Variants in GPR141 observed in about 807,000 individuals in gnomAD.
The protein encoded by GPR141 is G protein-coupled receptor 141.
Under a neutral mutation model 6.8 loss-of-function variants are expected in GPR141, and 6 were observed. The ratio of observed to expected loss-of-function variants is 0.88; its 90% CI spans 0.48 to 1.74. The LOEUF is 1.74. GPR141 is among the 40% of genes most tolerant of loss of function. The pLI is 0.01. For synonymous variants in GPR141, 140 were observed against 142.3 expected (o/e 0.98, Z 0.11); for missense variants, 372 against 372.9 (o/e 1.00, Z 0.02).
intron 2 of GPR141, among the ~76,000 whole-genome samples, chr7:37,739,454 C>T (rs1812419585): frequency 6.6e-6 from 1 of 152,128 alleles, no homozygotes; most frequent in Non-Finnish European, 1.5e-5. Context: ...CAGATTTTGC[C>T]ACTGTAACCC....
chr7:37,740,738 C>T lies in GPR141; in HGVS notation c.345C>T (p.Leu115=). Residue 115 remains leucine (L), a synonymous_variant, in exon 3 of 3, where the codon CTC becomes CTT. Transcript: ENST00000334425. ...FYVVILVTRY[L]IFFKCKDKVE... ...TGGTGATCCTGGTCACCAGATACCT[C>T]ATCTTCTTCAAGTGCAAAGACAAAG... 2.5e-6 allele frequency: 4 copies of T among 1,614,084 alleles called. No homozygotes were observed. Among genetic ancestry groups the T allele is most frequent in the Non-Finnish European group, 3.4e-6 (4 of 1,179,924 alleles).
intron 2 of GPR141, among the ~76,000 whole-genome samples, chr7:37,724,301 T>A (rs1452440241): frequency 1.3e-5 from 2 of 152,086 alleles, no homozygotes; most frequent in African/African-American, 4.8e-5. Context: ...ATATACATTT[T>A]TTTTTGCTAT....
chr7:37,724,909 G>A (rs924379311), intron 2 of GPR141, among the ~76,000 whole-genome samples: 1 of 152,092 alleles, frequency 6.6e-6, no homozygotes, highest in African/African-American at 2.4e-5. Context: ...TCTGCCTTTA[G>A]TAGTGCTGTG....
At chr7:37,738,630 TG>T (rs1812375754) in intron 2 of GPR141, among the ~76,000 whole-genome samples, 2 of 152,150 alleles carry the variant, frequency 1.3e-5, no homozygotes, top group African/African-American at 4.8e-5. Flanking sequence ...CAAAAGGCTT[TG>T]TGAGGTTGGG....
chr7:37,704,956 A>T (rs1810459635), intron 2 of GPR141, among the ~76,000 whole-genome samples: 1 of 152,048 alleles, frequency 6.6e-6, no homozygotes, highest in South Asian at 2.1e-4. Flanking sequence ...ACACTAACTG[A>T]CTCTGCCTCA....
At chr7:37,719,948 G>T (rs1000516353) in intron 2 of GPR141, among the ~76,000 whole-genome samples, 8 of 152,282 alleles carry the variant, frequency 5.3e-5, no homozygotes, top group Admixed American at 3.9e-4. Context: ...TGGAAATGGG[G>T]AGCAGCAGGA....
At chr7:37,692,470 T>C (rs1047976101) in intron 2 of GPR141, among the ~76,000 whole-genome samples, 1 of 152,180 alleles carries the variant, frequency 6.6e-6, no homozygotes. Context: ...TGTACATGTG[T>C]CTTTATAGTA....
intron 2 of GPR141, among the ~76,000 whole-genome samples, chr7:37,718,376 G>A (rs143785105): frequency 8.5e-5 from 13 of 152,172 alleles, no homozygotes; most frequent in Admixed American, 3.9e-4. Context: ...GCATGGTGGC[G>A]TGTGCCTGTA....
chr7:37,686,180 T>TC (rs1336234899), intron 2 of GPR141, among the ~76,000 whole-genome samples: 1 of 149,888 alleles, frequency 6.7e-6, no homozygotes, highest in East Asian at 2.0e-4. Context: ...TTTTTTTTTT[T>TC]CTTTAGAGAG....
intron 2 of GPR141, among the ~76,000 whole-genome samples, chr7:37,688,662 G>A (rs1350485376): frequency 1.3e-5 from 2 of 151,996 alleles, no homozygotes; most frequent in African/African-American, 4.8e-5. Context: ...GTTCTTCTCC[G>A]CACAGGTTAA....
intron 2 of GPR141, among the ~76,000 whole-genome samples, chr7:37,712,334 G>T (rs1038021424): frequency 6.6e-6 from 1 of 152,128 alleles, no homozygotes; most frequent in Non-Finnish European, 1.5e-5. Flanking sequence ...GTGGTATATG[G>T]TATAGGGAGG....
At chr7:37,734,513 C>A (rs879448100) in intron 2 of GPR141, among the ~76,000 whole-genome samples, 3 of 152,200 alleles carry the variant, frequency 2.0e-5, no homozygotes, top group Non-Finnish European at 4.4e-5. Context: ...CAGTCCTTGT[C>A]CTTGTGGAGC....
At chr7:37,687,313 G>A (rs79873168) in intron 2 of GPR141, among the ~76,000 whole-genome samples, 3,610 of 152,130 alleles carry the variant, frequency 0.024, 181 homozygotes, top group Admixed American at 0.11. Context: ...TTAAAATGTT[G>A]AGAAATGGTA....
At chr7:37,728,582 C>G (rs1811753664) in intron 2 of GPR141, among the ~76,000 whole-genome samples, 1 of 152,152 alleles carries the variant, frequency 6.6e-6, no homozygotes, top group Non-Finnish European at 1.5e-5. Context: ...ACAGAAACCA[C>G]TTCCATATCT....
intron 2 of GPR141, among the ~76,000 whole-genome samples, chr7:37,702,891 T>C (rs1810354778): frequency 6.6e-6 from 1 of 151,384 alleles, no homozygotes; most frequent in African/African-American, 2.4e-5. Flanking sequence ...TTTAGTATTT[T>C]CTAGTATTTT....
intron 2 of GPR141, among the ~76,000 whole-genome samples, chr7:37,721,431 G>A (rs1407019506): frequency 6.6e-6 from 1 of 152,174 alleles, no homozygotes; most frequent in Admixed American, 6.5e-5. Context: ...CATAAACCTA[G>A]AGGTACCTGG....
At position 37,740,647 on chromosome 7, in the gene GPR141, T is replaced by C. The variant is rs574260060; in HGVS notation, c.254T>C (p.Leu85Pro). 47 of 1,614,170 alleles carry C rather than the reference T, an allele frequency of 2.9e-5. No individual in the cohort carries two copies. In the South Asian group the frequency reaches 4.9e-4, roughly 17 times the overall value. The change falls in exon 3 of 3, where the codon CTG becomes CCG. Residue 85 changes from leucine to proline, a missense_variant. Physicochemically the swap from Leu to Pro is moderately conservative, Grantham distance 98 (BLOSUM62 -3). Transcript: ENST00000334425. ...ATCAAGAAGACTTGGATGTTTGGGCTGCCCTTCTGCAAATTTGTGAGTGCC... is the reference window on the plus strand; with the variant it reads ...ATCAAGAAGACTTGGATGTTTGGGCCGCCCTTCTGCAAATTTGTGAGTGCC... ...YLIKKTWMFG[L>P]PFCKFVSAML...
intron 2 of GPR141, among the ~76,000 whole-genome samples, chr7:37,735,955 G>T (rs1410825752): frequency 6.6e-6 from 1 of 152,100 alleles, no homozygotes; most frequent in East Asian, 1.9e-4. Context: ...AAAGATAAAA[G>T]CACTGAACAA....
At chr7:37,684,754 C>T (rs1039071703) in intron 1 of GPR141, among the ~76,000 whole-genome samples, 2 of 152,166 alleles carry the variant, frequency 1.3e-5, no homozygotes, top group African/African-American at 4.8e-5. Flanking sequence ...TACATAACTG[C>T]ACAATTACTT....
Sources: allele counts gnomAD v4.1 joint callset (sites outside exome capture counted in the v4.1 genomes callset), GRCh38; gene constraint gnomAD v4.1.1; transcripts MANE v1.5; gene names NCBI Gene and HGNC (gene_info 2026-07-23, HGNC 2026-07-21).